Variants in KLF8 observed in about 807,000 individuals in gnomAD.
KLF8 encodes the protein KLF transcription factor 8.
In KLF8, 10 loss-of-function variants were observed where a neutral mutation model predicts 18.2. The observed-to-expected ratio is 0.55, with a 90% CI of 0.34 to 0.93. The LOEUF is 0.93. Among genes scored for constraint, KLF8 ranks in the 40% least tolerant of loss-of-function variants. KLF8 has a pLI of 0.02. For synonymous variants in KLF8, 109 were observed against 97.3 expected (o/e 1.12, Z -0.71); for missense variants, 264 against 277.9 (o/e 0.95, Z 0.36).
At chrX:56,166,543 T>C in the KLF8 span, among the ~76,000 whole-genome samples, 1 of 112,359 alleles carries the variant, frequency 8.9e-6, no homozygotes, top group African/African-American at 3.2e-5. Flanking sequence ...GAACCACTCA[T>C]GTAGCAATAA....
chrX:56,119,554 C>T, the KLF8 span, among the ~76,000 whole-genome samples: 1 of 110,309 alleles, frequency 9.1e-6, no homozygotes. Flanking sequence ...GAGGCGCATG[C>T]CACCATGCCT....
the KLF8 span, among the ~76,000 whole-genome samples, chrX:55,955,550 C>A: frequency 9.0e-6 from 1 of 111,164 alleles, no homozygotes; most frequent in East Asian, 2.8e-4. Context: ...GAGTACATTG[C>A]CATGTTTCTG....
chrX:56,189,691 T>TA, the KLF8 span, among the ~76,000 whole-genome samples: 1 of 109,503 alleles, frequency 9.1e-6, no homozygotes, highest in Non-Finnish European at 1.9e-5. Context: ...TATGCAGCCA[T>TA]AAAAAATGAT....
the KLF8 span, among the ~76,000 whole-genome samples, chrX:55,948,692 G>A: frequency 9.1e-6 from 1 of 110,308 alleles, no homozygotes; most frequent in Admixed American, 9.7e-5. Context: ...TTTGGAGCCC[G>A]TTAGATCATA....
At chrX:56,162,058 A>G in the KLF8 span, among the ~76,000 whole-genome samples, 2 of 111,964 alleles carry the variant, frequency 1.8e-5, no homozygotes, top group Middle Eastern at 4.6e-3. Flanking sequence ...TTGCCTGGGT[A>G]TCAGCAGCAG....
the KLF8 span, among the ~76,000 whole-genome samples, chrX:56,114,155 C>T: frequency 8.9e-6 from 1 of 112,349 alleles, no homozygotes; most frequent in Non-Finnish European, 1.9e-5. Flanking sequence ...TTGGTCACAG[C>T]TGCTGTGCTA....
At chrX:55,986,811 G>A in the KLF8 span, among the ~76,000 whole-genome samples, 4 of 111,512 alleles carry the variant, frequency 3.6e-5, no homozygotes, top group African/African-American at 1.3e-4. Context: ...AATGAGTATA[G>A]CACCAGATAC....
chrX:56,052,377 GT>G, the KLF8 span, among the ~76,000 whole-genome samples: 2 of 111,952 alleles, frequency 1.8e-5, no homozygotes, highest in African/African-American at 6.5e-5. Flanking sequence ...TTTCTGTTCT[GT>G]TTTTCCCCCA....
chrX:56,031,605 C>G, the KLF8 span, among the ~76,000 whole-genome samples: 4 of 111,685 alleles, frequency 3.6e-5, no homozygotes, highest in African/African-American at 1.3e-4. Context: ...TCATGTCGCT[C>G]GGGTAGGCTG....
At chrX:56,071,006 G>A in the KLF8 span, among the ~76,000 whole-genome samples, 5 of 111,818 alleles carry the variant, frequency 4.5e-5, no homozygotes, top group Admixed American at 2.8e-4. Context: ...TGTGAAGAGT[G>A]AAATAGTTTT....
chrX:56,063,900 C>A, the KLF8 span, among the ~76,000 whole-genome samples: 1 of 110,166 alleles, frequency 9.1e-6, no homozygotes, highest in African/African-American at 3.3e-5. Flanking sequence ...CTTCACCGAG[C>A]TGCAGTAGGC....
the KLF8 span, among the ~76,000 whole-genome samples, chrX:56,136,314 G>A: frequency 9.0e-6 from 1 of 111,406 alleles, no homozygotes; most frequent in South Asian, 3.8e-4. Flanking sequence ...TAAGCCAAAA[G>A]AACAAAACTG....
At chrX:55,984,550 G>A in the KLF8 span, among the ~76,000 whole-genome samples, 1 of 111,429 alleles carries the variant, frequency 9.0e-6, no homozygotes, top group African/African-American at 3.3e-5. Context: ...TTGATTGCAT[G>A]TCTTTGCTAT....
At chrX:56,231,755 AG>A (rs2066404645), upstream of KLF8, among the ~76,000 whole-genome samples, 1 of 111,351 alleles carries the variant, frequency 9.0e-6, no homozygotes, top group Non-Finnish European at 1.9e-5. Context: ...TGCCTGGCTG[AG>A]AGGCGGTCTC....
At chrX:56,099,233 G>A in the KLF8 span, among the ~76,000 whole-genome samples, 14,112 of 110,765 alleles carry the variant, frequency 0.13, 1,616 homozygotes, top group African/African-American at 0.37. Flanking sequence ...ATCTGTTACG[G>A]TGATCTGTGG....
At chrX:56,060,129 C>A in the KLF8 span, among the ~76,000 whole-genome samples, 1 of 111,527 alleles carries the variant, frequency 9.0e-6, no homozygotes. Flanking sequence ...ATGTGATCTG[C>A]AAAAGAGACA....
chrX:56,274,395 G>C (rs2067095705), intron 5 of KLF8, among the ~76,000 whole-genome samples: 1 of 111,611 alleles, frequency 9.0e-6, no homozygotes, highest in South Asian at 3.8e-4. Context: ...TGAACTCTTT[G>C]TATGTTCTGA....
At chrX:55,963,368 C>T in the KLF8 span, among the ~76,000 whole-genome samples, 1 of 111,333 alleles carries the variant, frequency 9.0e-6, no homozygotes, top group Non-Finnish European at 1.9e-5. Flanking sequence ...GTTGTGCAGT[C>T]ACTCATTTCA....
Position 56,241,393 on chromosome X carries a change from C to G in KLF8, c.7+8052C>G, listed in dbSNP as rs767708144. ...TGTTGGTCAGGCTGGTCTCAAACTC[C>G]TGACTTCAAGTGATCCACCCGCCTT... On this transcript the variant is annotated intron_variant, in intron 1 of 5. Coordinates refer to ENST00000468660, the MANE Select transcript of KLF8 (RefSeq NM_007250.5). Among the ~76,000 whole-genome samples the G allele has an allele frequency of 2.7e-5, 3 of 111,511 alleles. No individual in the cohort carries two copies. In the South Asian group the frequency reaches 1.1e-3, roughly 42 times the overall value.
Sources: allele counts gnomAD v4.1 joint callset (sites outside exome capture counted in the v4.1 genomes callset), GRCh38; gene constraint gnomAD v4.1.1; transcripts MANE v1.5; gene names NCBI Gene and HGNC (gene_info 2026-07-23, HGNC 2026-07-21).